Variants in METTL15 observed in about 807,000 individuals in gnomAD.
METTL15 encodes the protein methyltransferase 15, mitochondrial 12S rRNA N4-cytidine.
In METTL15, 34 loss-of-function variants were observed where a neutral mutation model predicts 38.3. That is an observed-to-expected ratio of 0.89 (90% CI 0.68 to 1.18). METTL15 has a LOEUF of 1.18. Ranked by LOEUF, METTL15 falls within the 50% of genes most tolerant of loss-of-function variation. METTL15 has a pLI of 0.00. For synonymous variants in METTL15, 162 were observed against 170.9 expected (o/e 0.95, Z 0.41); for missense variants, 438 against 498.4 (o/e 0.88, Z 1.15).
chr11:28,460,198 G>A (rs1283657121), intron 6 of METTL15, among the ~76,000 whole-genome samples: 1 of 151,978 alleles, frequency 6.6e-6, no homozygotes, highest in African/African-American at 2.4e-5. Flanking sequence ...GTTTTCAAAT[G>A]TGAGACTGTA....
At chr11:28,209,748 A>G (rs1265332357) in intron 3 of METTL15, among the ~76,000 whole-genome samples, 3 of 152,022 alleles carry the variant, frequency 2.0e-5, no homozygotes, top group Non-Finnish European at 2.9e-5. Flanking sequence ...TCAAAGCATA[A>G]TTGCATGCCC....
chr11:28,408,468 C>T (rs893603502), intron 5 of METTL15, among the ~76,000 whole-genome samples: 1 of 152,092 alleles, frequency 6.6e-6, no homozygotes, highest in Admixed American at 6.6e-5. Flanking sequence ...TTCACTCCAC[C>T]ATTTCCACTT....
intron 6 of METTL15, among the ~76,000 whole-genome samples, chr11:28,317,812 A>G (rs894697350): frequency 1.7e-4 from 26 of 152,354 alleles, no homozygotes; most frequent in Admixed American, 3.3e-4. Flanking sequence ...GTGAGTCATA[A>G]GAAAACCAAG....
chr11:28,391,264 A>G (rs1218799556), intron 5 of METTL15, among the ~76,000 whole-genome samples: 2 of 152,038 alleles, frequency 1.3e-5, no homozygotes, highest in African/African-American at 2.4e-5. Flanking sequence ...TTCCCACACT[A>G]TATTGAGTAG....
At position 28,438,123 on chromosome 11, in the gene METTL15, A is replaced by G. The variant is rs190703039; in HGVS notation, c.*424+13759A>G. Among the ~76,000 whole-genome samples, 359 of 152,370 alleles carry G rather than the reference A, an allele frequency of 2.4e-3. 1 individual carries two copies. Among genetic ancestry groups the G allele is most frequent in the African/African-American group, 7.2e-3 (300 of 41,592 alleles). ...GTTACACTTTACATTACATTAGAAA[A>G]TAATTTCATGATTGATGTTAATGGT... On this transcript the variant is annotated intron_variant and NMD_transcript_variant, in intron 6 of 7. Coordinates refer to the METTL15 transcript ENST00000532947.
intron 5 of METTL15, among the ~76,000 whole-genome samples, chr11:28,383,938 A>G (rs928971072): frequency 1.3e-5 from 2 of 151,748 alleles, no homozygotes; most frequent in African/African-American, 4.8e-5. Context: ...ACCCATTAGT[A>G]TTTTTCCTGA....
At chr11:28,376,048 C>A (rs1010747669) in intron 5 of METTL15, among the ~76,000 whole-genome samples, 1 of 152,008 alleles carries the variant, frequency 6.6e-6, no homozygotes, top group African/African-American at 2.4e-5. Context: ...GTTATAATTT[C>A]TGTTCTTTTA....
intron 6 of METTL15, among the ~76,000 whole-genome samples, chr11:28,513,594 G>A (rs1287035604): frequency 6.6e-6 from 1 of 152,128 alleles, no homozygotes; most frequent in Non-Finnish European, 1.5e-5. Context: ...GGGAAATCAG[G>A]GGTCTCACAG....
chr11:28,141,915 C>G (rs1849711540), intron 3 of METTL15, among the ~76,000 whole-genome samples: 1 of 152,128 alleles, frequency 6.6e-6, no homozygotes, highest in South Asian at 2.1e-4. Flanking sequence ...GGACTATTAT[C>G]ATCCTTGCTT....
At chr11:28,413,236 G>A (rs760150695) in intron 5 of METTL15, among the ~76,000 whole-genome samples, 7 of 151,866 alleles carry the variant, frequency 4.6e-5, no homozygotes, top group Non-Finnish European at 7.4e-5. Context: ...ATATTTAGTA[G>A]TTTTTATTCT....
At chr11:28,476,373 C>A (rs530802419) in intron 6 of METTL15, among the ~76,000 whole-genome samples, 210 of 152,208 alleles carry the variant, frequency 1.4e-3, no homozygotes, top group African/African-American at 4.9e-3. Context: ...GTCGAAATGA[C>A]CCAGATGGTA....
intron 3 of METTL15, among the ~76,000 whole-genome samples, chr11:28,189,532 T>C (rs575637715): frequency 2.0e-5 from 3 of 151,444 alleles, no homozygotes; most frequent in African/African-American, 4.8e-5. Flanking sequence ...ATACCTACTT[T>C]GACAAATGTG....
chr11:28,143,274 CT>C (rs567796766), intron 3 of METTL15, among the ~76,000 whole-genome samples: 233 of 152,090 alleles, frequency 1.5e-3, no homozygotes, highest in Non-Finnish European at 2.5e-3. Flanking sequence ...TGATACAGTC[CT>C]TGAGGAGTCT....
At chr11:28,383,356 C>G (rs1467453090) in intron 5 of METTL15, among the ~76,000 whole-genome samples, 1 of 151,990 alleles carries the variant, frequency 6.6e-6, no homozygotes, top group Non-Finnish European at 1.5e-5. Context: ...TTTCTTTATT[C>G]AGTTTATCAT....
At chr11:28,450,999 T>C (rs1274707993) in intron 6 of METTL15, among the ~76,000 whole-genome samples, 2 of 152,168 alleles carry the variant, frequency 1.3e-5, no homozygotes, top group Non-Finnish European at 2.9e-5. Flanking sequence ...GCTTAGTAAA[T>C]GATGGGCTTG....
intron 4 of METTL15, among the ~76,000 whole-genome samples, chr11:28,237,365 C>G (rs1178515312): frequency 6.6e-6 from 1 of 152,212 alleles, no homozygotes; most frequent in African/African-American, 2.4e-5. Flanking sequence ...TCTTCCATCA[C>G]TGATACCCTT....
intron 3 of METTL15, among the ~76,000 whole-genome samples, chr11:28,161,107 C>T (rs1371573980): frequency 3.8e-5 from 5 of 131,916 alleles, no homozygotes; most frequent in South Asian, 2.4e-4. Flanking sequence ...TTGCACCTTC[C>T]TTTTTTTTTT....
intron 4 of METTL15, among the ~76,000 whole-genome samples, chr11:28,226,620 C>A (rs954440786): frequency 6.6e-6 from 1 of 151,922 alleles, no homozygotes; most frequent in East Asian, 1.9e-4. Context: ...TGGCAAGTCT[C>A]GAACTCATAG....
At chr11:28,268,514 C>T (rs1268716560) in intron 4 of METTL15, among the ~76,000 whole-genome samples, 1 of 152,030 alleles carries the variant, frequency 6.6e-6, no homozygotes. Flanking sequence ...TTTGTACTCT[C>T]TTTAAGATAA....
Sources: allele counts gnomAD v4.1 joint callset (sites outside exome capture counted in the v4.1 genomes callset), GRCh38; gene constraint gnomAD v4.1.1; transcripts MANE v1.5; gene names NCBI Gene and HGNC (gene_info 2026-07-23, HGNC 2026-07-21).